The following AUTS2 variants were observed in gnomAD, a reference collection of about 807,000 sequenced individuals.
AUTS2 encodes autism susceptibility gene 2 protein.
AUTS2 carries 17 observed loss-of-function variants against 112.4 expected under a neutral mutation model. That is an observed-to-expected ratio of 0.15 (90% CI 0.10 to 0.23). AUTS2 has a LOEUF of 0.23. Among genes scored for constraint, AUTS2 ranks in the 10% least tolerant of loss-of-function variants. The pLI is 1.00. For missense variants in AUTS2, 1,510 were observed against 1,701.6 expected (o/e 0.89, Z 1.98); for synonymous variants, 751 against 702.7 (o/e 1.07, Z -1.09).
chr7:70,426,563 C>T (rs554421536), intron 4 of AUTS2, among the ~76,000 whole-genome samples: 2 of 152,192 alleles, frequency 1.3e-5, no homozygotes, highest in South Asian at 2.1e-4. Context: ...CCTGTGAAAC[C>T]GACAGGCACA....
intron 4 of AUTS2, among the ~76,000 whole-genome samples, chr7:70,141,136 C>G: frequency 6.6e-6 from 1 of 152,088 alleles, no homozygotes; most frequent in South Asian, 2.1e-4. Context: ...AAGTTTGAGG[C>G]AGGGGGAGCA....
intron 1 of AUTS2, among the ~76,000 whole-genome samples, chr7:69,779,792 T>C (rs210592): frequency 6.7e-6 from 1 of 149,364 alleles, no homozygotes; most frequent in African/African-American, 2.5e-5. Context: ...TAAAAAAAAA[T>C]ATATATATGG....
chr7:69,625,940 G>T (rs922024611), intron 1 of AUTS2, among the ~76,000 whole-genome samples: 1 of 152,168 alleles, frequency 6.6e-6, no homozygotes, highest in African/African-American at 2.4e-5. Context: ...AATTAGGGTT[G>T]TAGAGAAGAC....
rs369408234 is a variant in AUTS2, at chr7:69,719,198, G to T, written c.309+119236G>T. On this transcript the variant is annotated intron_variant, in intron 1 of 18. Coordinates refer to ENST00000342771, the MANE Select transcript of AUTS2 (RefSeq NM_015570.4). ...CTATTGGTTCTTGTTTTACTCTCTG[G>T]GGTCATATTGAATAAATCTAATTTC... Among the ~76,000 whole-genome samples the T allele has an allele frequency of 3.3e-5, 5 of 152,170 alleles. No individual in the cohort carries two copies. In the East Asian group the frequency reaches 7.7e-4, roughly 23 times the overall value.
chr7:69,945,761 G>C (rs1471431128), intron 2 of AUTS2, among the ~76,000 whole-genome samples: 1 of 152,034 alleles, frequency 6.6e-6, no homozygotes, highest in African/African-American at 2.4e-5. Flanking sequence ...CACAAAGTTT[G>C]TACCCTTTGA....
At chr7:69,711,114 T>C (rs570210249) in intron 1 of AUTS2, among the ~76,000 whole-genome samples, 15 of 152,194 alleles carry the variant, frequency 9.9e-5, no homozygotes, top group Non-Finnish European at 2.2e-4. Context: ...GAAATCAGTA[T>C]TTAAAGTATG....
At chr7:69,656,980 C>A (rs755802485) in intron 1 of AUTS2, among the ~76,000 whole-genome samples, 1 of 152,120 alleles carries the variant, frequency 6.6e-6, no homozygotes, top group South Asian at 2.1e-4. Flanking sequence ...GGATCTAAGT[C>A]TGTTAGATTT....
intron 1 of AUTS2, among the ~76,000 whole-genome samples, chr7:69,774,768 T>A (rs1237116208): frequency 6.6e-6 from 1 of 152,228 alleles, no homozygotes; most frequent in African/African-American, 2.4e-5. Context: ...TTCAGTAAAG[T>A]TGATTTACAA....
At chr7:70,754,960 C>CCA (rs137999048) in intron 6 of AUTS2, among the ~76,000 whole-genome samples, 9,565 of 152,202 alleles carry the variant, frequency 0.063, 355 homozygotes, top group Middle Eastern at 0.17. Context: ...GATGTGAAGA[C>CCA]CAGAAGTGCA....
At chr7:70,319,718 A>G (rs554930215) in intron 4 of AUTS2, among the ~76,000 whole-genome samples, 11 of 152,268 alleles carry the variant, frequency 7.2e-5, no homozygotes, top group Non-Finnish European at 1.3e-4. Context: ...CTTAGGAGCA[A>G]ATGTCCTTTG....
chr7:70,753,135 T>G (rs1041370709), intron 6 of AUTS2, among the ~76,000 whole-genome samples: 1 of 152,128 alleles, frequency 6.6e-6, no homozygotes, highest in South Asian at 2.1e-4. Flanking sequence ...GATTAACCCC[T>G]ATCAGGGTTA....
At chr7:69,788,160 C>G (rs2129322284) in intron 1 of AUTS2, among the ~76,000 whole-genome samples, 2 of 152,208 alleles carry the variant, frequency 1.3e-5, no homozygotes, top group Middle Eastern at 3.4e-3. Flanking sequence ...ACCTCAAGCC[C>G]CCAGTAAAAA....
chr7:69,794,934 C>A (rs1032115461), intron 1 of AUTS2, among the ~76,000 whole-genome samples: 2 of 152,098 alleles, frequency 1.3e-5, no homozygotes, highest in Non-Finnish European at 1.5e-5. Context: ...CCACTCATTC[C>A]TTCTCAAAAG....
rs566273795 is a variant in AUTS2 at position 69,637,547 on chromosome 7, T to C, written c.309+37585T>C. On this transcript the variant is annotated intron_variant, in intron 1 of 18. Transcript: ENST00000342771. ...GTTTACTTATCTTGACTAATATGTGTTATTTAGTTTTGAAAAATTGTAGAA... is the reference window on the plus strand; with the variant it reads ...GTTTACTTATCTTGACTAATATGTGCTATTTAGTTTTGAAAAATTGTAGAA... Among the ~76,000 whole-genome samples the C allele has an allele frequency of 1.7e-4, 26 of 152,348 alleles. 2 individuals carry two copies. In the South Asian group the frequency reaches 4.3e-3, roughly 25 times the overall value.
intron 4 of AUTS2, among the ~76,000 whole-genome samples, chr7:70,366,452 G>T (rs1051545112): frequency 4.6e-5 from 7 of 152,166 alleles, no homozygotes; most frequent in African/African-American, 1.2e-4. Flanking sequence ...GAAGGCTGTG[G>T]TATGTTTGTG....
At chr7:69,904,109 T>A (rs1795067657) in intron 2 of AUTS2, among the ~76,000 whole-genome samples, 1 of 152,200 alleles carries the variant, frequency 6.6e-6, no homozygotes, top group African/African-American at 2.4e-5. Context: ...ACCTTGGTCT[T>A]CCTTGGAGTA....
rs1042406385 is a variant in AUTS2, at chr7:70,490,306, C to G, written c.690+54525C>G. Among the ~76,000 whole-genome samples, 3 of 151,774 alleles carry G rather than the reference C, an allele frequency of 2.0e-5. No individual in the cohort carries two copies. In the East Asian group the frequency reaches 5.8e-4, roughly 29 times the overall value. ...GAAACAAATAATAAAAAAAAGAACA[C>G]AAATACCAATTCACCAAGAATGAAG... is the stretch of plus-strand genomic sequence containing the variant. On this transcript the variant is annotated intron_variant, in intron 5 of 18. Transcript: ENST00000342771.
intron 5 of AUTS2, among the ~76,000 whole-genome samples, chr7:70,547,079 G>A (rs1800819164): frequency 6.6e-6 from 1 of 152,130 alleles, no homozygotes; most frequent in Admixed American, 6.5e-5. Flanking sequence ...ATAGCGTTGT[G>A]TAACTATTGC....
At position 70,040,274 on chromosome 7, in the gene AUTS2, C is replaced by G. The variant is rs369056508; in HGVS notation, c.523-77858C>G. On this transcript the variant is annotated intron_variant, in intron 2 of 18. Transcript: ENST00000342771. The stretch of plus-strand genomic sequence containing the variant: ...CTATGTACCAGTCCTGTGGGGAATG[C>G]TGATAGGGAGATTGTCCATGTGTAG... Among the ~76,000 whole-genome samples the G allele has an allele frequency of 2.4e-4, 37 of 152,230 alleles. No individual in the cohort carries two copies. The East Asian group carries it at 6.2e-3, about 25-fold the overall frequency.
Sources: allele counts gnomAD v4.1 joint callset (sites outside exome capture counted in the v4.1 genomes callset), GRCh38; gene constraint gnomAD v4.1.1; transcripts MANE v1.5; gene names NCBI Gene and HGNC (gene_info 2026-07-23, HGNC 2026-07-21).